DAB1: variants seen among roughly 807,000 people sequenced by gnomAD.
DAB1 encodes DAB adaptor protein 1.
A neutral mutation model predicts 64.6 loss-of-function variants in DAB1; 15 were observed. That is an observed-to-expected ratio of 0.23 (90% confidence interval 0.16 to 0.36). The LOEUF (loss-of-function observed/expected upper bound fraction) is 0.36. Among genes scored for constraint, DAB1 ranks in the 10% least tolerant of loss-of-function variants. The pLI is 1.00. For missense variants in DAB1, 596 were observed against 706.7 expected (o/e 0.84, Z 1.78); for synonymous variants, 235 against 251.9 (o/e 0.93, Z 0.64).
rs538710390 is a variant in DAB1 at position 57,477,879 on chromosome 1, T to G, written n.625+171713A>C. 7.9e-5 allele frequency among the ~76,000 whole-genome samples: 12 copies of G among 152,268 alleles called. No individual in the cohort carries two copies. In the South Asian group the frequency reaches 2.5e-3, roughly 32 times the overall value. The stretch of plus-strand genomic sequence containing the variant: ...TTACACACCTCATCCTAAAATGCAG[T>G]GCCTTTCCCAGAATGTTAGACTCTA... On this transcript the variant is annotated intron_variant and non_coding_transcript_variant, in intron 7 of 20. Coordinates refer to the DAB1 transcript ENST00000485760.
intron 7 of DAB1, among the ~76,000 whole-genome samples, chr1:57,591,242 C>A (rs1645442470): frequency 6.6e-6 from 1 of 152,188 alleles, no homozygotes; most frequent in South Asian, 2.1e-4. Context: ...CCTCTACCCT[C>A]TCTGATGCTC....
chr1:57,769,318 C>G (rs1649456345), intron 6 of DAB1, among the ~76,000 whole-genome samples: 1 of 152,120 alleles, frequency 6.6e-6, no homozygotes, highest in Non-Finnish European at 1.5e-5. Context: ...CCACTAGTAG[C>G]CTTTCTATTA....
chr1:57,782,598 T>C (rs1650151449), intron 6 of DAB1, among the ~76,000 whole-genome samples: 2 of 152,198 alleles, frequency 1.3e-5, no homozygotes, highest in Non-Finnish European at 2.9e-5. Flanking sequence ...CTGCTGTCTC[T>C]CTCTTGCCTG....
At chr1:58,488,897 A>G (rs1645624499) in intron 3 of DAB1, among the ~76,000 whole-genome samples, 1 of 152,194 alleles carries the variant, frequency 6.6e-6, no homozygotes, top group African/African-American at 2.4e-5. Context: ...ATGTACAGAT[A>G]TTTTTGTCCA....
At chr1:58,112,851 C>T (rs750653967) in intron 5 of DAB1, among the ~76,000 whole-genome samples, 8 of 152,098 alleles carry the variant, frequency 5.3e-5, no homozygotes, top group East Asian at 1.9e-4. Flanking sequence ...TGATGCCCCA[C>T]GCAGAAAATG....
At chr1:58,532,205 A>C (rs1646444634) in intron 1 of DAB1, among the ~76,000 whole-genome samples, 1 of 152,238 alleles carries the variant, frequency 6.6e-6, no homozygotes, top group South Asian at 2.1e-4. Flanking sequence ...GACTCCCAAA[A>C]GAGAAAATAT....
chr1:58,106,858 C>A (rs1333981487), intron 5 of DAB1, among the ~76,000 whole-genome samples: 1 of 127,900 alleles, frequency 7.8e-6, no homozygotes, highest in Admixed American at 8.4e-5. Context: ...TCCCTCCCTC[C>A]CTCCCTCCTT....
intron 7 of DAB1, among the ~76,000 whole-genome samples, chr1:57,602,646 G>T (rs969835360): frequency 6.6e-6 from 1 of 152,154 alleles, no homozygotes; most frequent in Non-Finnish European, 1.5e-5. Flanking sequence ...GAGGCTGCAG[G>T]ACCAGGCTTA....
At chr1:57,786,325 T>G (rs1650338251) in intron 6 of DAB1, among the ~76,000 whole-genome samples, 1 of 152,136 alleles carries the variant, frequency 6.6e-6, no homozygotes, top group Non-Finnish European at 1.5e-5. Context: ...TGCCTGTATA[T>G]GTCCAACAGT....
At chr1:58,282,225 G>T (rs1348156704) in intron 4 of DAB1, among the ~76,000 whole-genome samples, 1 of 152,110 alleles carries the variant, frequency 6.6e-6, no homozygotes, top group South Asian at 2.1e-4. Flanking sequence ...ATGGGGATAT[G>T]ATGCTGCTAC....
At chr1:57,171,334 T>G (rs1008152288) in intron 2 of DAB1, among the ~76,000 whole-genome samples, 1 of 152,236 alleles carries the variant, frequency 6.6e-6, no homozygotes, top group Non-Finnish European at 1.5e-5. Context: ...TGAGGTGGTT[T>G]GTGTTTGCTT....
At chr1:57,034,196 C>A (rs1264221091) in intron 9 of DAB1, among the ~76,000 whole-genome samples, 1 of 148,198 alleles carries the variant, frequency 6.7e-6, no homozygotes, top group Admixed American at 7.0e-5. Flanking sequence ...AGGAGAATCA[C>A]TTGAATCCAG....
At chr1:57,415,493 C>T (rs559204641) in intron 1 of DAB1, among the ~76,000 whole-genome samples, 44 of 152,114 alleles carry the variant, frequency 2.9e-4, no homozygotes, top group Non-Finnish European at 5.7e-4. Flanking sequence ...AGAAGGTTGG[C>T]AAAAATCCAA....
intron 7 of DAB1, among the ~76,000 whole-genome samples, chr1:57,598,317 T>C (rs768036888): frequency 3.9e-5 from 6 of 152,282 alleles, no homozygotes; most frequent in African/African-American, 4.8e-5. Flanking sequence ...CTGGTGATGC[T>C]GCCCATGCAC....
chr1:58,295,029 T>C (rs2100454123), intron 4 of DAB1, among the ~76,000 whole-genome samples: 1 of 152,224 alleles, frequency 6.6e-6, no homozygotes, highest in South Asian at 2.1e-4. Context: ...TGGGGAACGC[T>C]GTATGCTCAG....
chr1:57,364,409 T>C (rs545756623), intron 1 of DAB1, among the ~76,000 whole-genome samples: 72 of 152,272 alleles, frequency 4.7e-4, no homozygotes, highest in Admixed American at 1.7e-3. Flanking sequence ...ACAAGAGACC[T>C]GGGTTACTGG....
At chr1:57,863,033 T>C (rs1305217185) in intron 1 of DAB1, 1 of 152,180 alleles carries the variant, frequency 6.6e-6, no homozygotes, top group Non-Finnish European at 1.5e-5. Context: ...TTGTCAAGTG[T>C]CCAACAGGTG....
intron 6 of DAB1, among the ~76,000 whole-genome samples, chr1:57,709,690 G>C (rs1408172712): frequency 6.6e-6 from 1 of 152,092 alleles, no homozygotes; most frequent in Admixed American, 6.6e-5. Flanking sequence ...AGCTTGAGGA[G>C]GTGGTGTCTG....
intron 7 of DAB1, among the ~76,000 whole-genome samples, chr1:57,435,055 T>C (rs1430460788): frequency 6.9e-6 from 1 of 144,170 alleles, no homozygotes; most frequent in Non-Finnish European, 1.5e-5. Flanking sequence ...TCTTTTTTTT[T>C]TTTTTTTTTT....
Sources: allele counts gnomAD v4.1 joint callset (sites outside exome capture counted in the v4.1 genomes callset), GRCh38; gene constraint gnomAD v4.1.1; transcripts MANE v1.5; gene names NCBI Gene and HGNC (gene_info 2026-07-23, HGNC 2026-07-21).